The following RARB variants were observed in gnomAD, a reference collection of about 807,000 sequenced individuals.
RARB encodes retinoic acid receptor beta, also known as HBV-activated protein.
A neutral mutation model predicts 51.9 loss-of-function variants in RARB; 17 were observed. The observed-to-expected ratio is 0.33, with a 90% CI of 0.22 to 0.49. RARB has a LOEUF of 0.49. Ranked by LOEUF, RARB falls within the 20% of genes least tolerant of loss-of-function variation. The pLI, the probability that RARB is intolerant of heterozygous loss-of-function variation, is 0.99. For missense variants in RARB, 369 were observed against 550.8 expected (o/e 0.67, Z 3.30); for synonymous variants, 215 against 195.4 (o/e 1.10, Z -0.84).
chr3:24,998,277 G>GTTTTTT (rs71622792), intron 2 of RARB, among the ~76,000 whole-genome samples: 2 of 140,482 alleles, frequency 1.4e-5, no homozygotes, highest in Non-Finnish European at 3.1e-5. Flanking sequence ...CTTGTAGTTT[G>GTTTTTT]TTTTTTTTTT....
chr3:24,894,442 A>C (rs538391927), intron 2 of RARB, among the ~76,000 whole-genome samples: 4 of 152,154 alleles, frequency 2.6e-5, no homozygotes, highest in African/African-American at 9.6e-5. Context: ...AAAGGACATG[A>C]TTTTATTCTT....
chr3:25,024,552 C>T (rs550539571), intron 2 of RARB, among the ~76,000 whole-genome samples: 1 of 152,242 alleles, frequency 6.6e-6, no homozygotes, highest in East Asian at 1.9e-4. Context: ...GGATAAGTTT[C>T]TTTCCAATAA....
At chr3:25,554,149 T>C (rs1279156510) in intron 3 of RARB, among the ~76,000 whole-genome samples, 3 of 150,270 alleles carry the variant, frequency 2.0e-5, no homozygotes, top group Non-Finnish European at 4.4e-5. Context: ...CGAGAGAAAG[T>C]ATCTGTGCGT....
At chr3:25,157,872 G>T (rs1026214511) in intron 4 of RARB, among the ~76,000 whole-genome samples, 3 of 151,984 alleles carry the variant, frequency 2.0e-5, no homozygotes, top group Non-Finnish European at 2.9e-5. Context: ...TTATTTGCAC[G>T]GTGTGAATTC....
chr3:25,465,137 G>T (rs1695369306), intron 2 of RARB, among the ~76,000 whole-genome samples: 1 of 152,152 alleles, frequency 6.6e-6, no homozygotes, highest in South Asian at 2.1e-4. Context: ...CAGATTGCCA[G>T]AATACCCCGT....
At chr3:24,843,503 C>T (rs998931618) in intron 1 of RARB, among the ~76,000 whole-genome samples, 4 of 152,162 alleles carry the variant, frequency 2.6e-5, no homozygotes, top group African/African-American at 9.7e-5. Flanking sequence ...GTACCTGGCA[C>T]ATTCTGGGTC....
chr3:25,137,110 C>T (rs1198704478), intron 4 of RARB, among the ~76,000 whole-genome samples: 1 of 151,972 alleles, frequency 6.6e-6, no homozygotes, highest in African/African-American at 2.4e-5. Context: ...CTATTTAATG[C>T]CGACTACTAG....
chr3:25,507,583 C>G (rs1697673557), intron 3 of RARB, among the ~76,000 whole-genome samples: 1 of 152,124 alleles, frequency 6.6e-6, no homozygotes, highest in Non-Finnish European at 1.5e-5. Flanking sequence ...AGGGCTTTTG[C>G]CAGTGAAAAA....
At chr3:25,123,936 A>G (rs1417249036) in intron 3 of RARB, among the ~76,000 whole-genome samples, 1 of 152,204 alleles carries the variant, frequency 6.6e-6, no homozygotes, top group African/African-American at 2.4e-5. Flanking sequence ...TGGCCAAAGT[A>G]TCTCAGTCCT....
intron 2 of RARB, among the ~76,000 whole-genome samples, chr3:25,485,050 A>G (rs936706917): frequency 2.0e-5 from 3 of 152,360 alleles, no homozygotes; most frequent in East Asian, 1.9e-4. Flanking sequence ...GATACACTCA[A>G]AACACTCTCT....
chr3:24,948,135 T>G (rs1575085951), intron 2 of RARB, among the ~76,000 whole-genome samples: 1 of 152,154 alleles, frequency 6.6e-6, no homozygotes, highest in East Asian at 1.9e-4. Flanking sequence ...CTCAGATTAC[T>G]TCAGACCATT....
intron 3 of RARB, among the ~76,000 whole-genome samples, chr3:25,115,777 C>T (rs534074766): frequency 1.0e-3 from 156 of 151,850 alleles, no homozygotes; most frequent in African/African-American, 3.5e-3. Flanking sequence ...CAGCACATGC[C>T]ATCACACTCA....
At chr3:25,272,983 TG>T (rs1288546541) in intron 5 of RARB, among the ~76,000 whole-genome samples, 1 of 152,168 alleles carries the variant, frequency 6.6e-6, no homozygotes, top group East Asian at 1.9e-4. Flanking sequence ...TGTCAAACTG[TG>T]GAGGGAAATC....
chr3:24,991,489 T>C (rs1035485658), intron 2 of RARB, among the ~76,000 whole-genome samples: 2 of 151,918 alleles, frequency 1.3e-5, no homozygotes, highest in Non-Finnish European at 2.9e-5. Context: ...ATTAGCATTT[T>C]GGTCCTTCCT....
chr3:25,482,557 T>TTTG (rs1457343089), intron 2 of RARB, among the ~76,000 whole-genome samples: 17 of 84,064 alleles, frequency 2.0e-4, no homozygotes, highest in African/African-American at 6.1e-4. Context: ...TTTTTTTTTT[T>TTTG]GAGACGGAGT....
At chr3:25,025,247 T>G (rs988111081) in intron 2 of RARB, 2 of 152,222 alleles carry the variant, frequency 1.3e-5, no homozygotes, top group African/African-American at 4.8e-5. Flanking sequence ...TAATTGTAAT[T>G]TAATGTCATT....
chr3:25,371,926 G>A (rs1241007626), intron 5 of RARB, among the ~76,000 whole-genome samples: 2 of 152,202 alleles, frequency 1.3e-5, no homozygotes, highest in East Asian at 3.9e-4. Context: ...GCCCCACTGA[G>A]GAGATGGATT....
At chr3:25,026,198 C>T (rs2125287568) in intron 2 of RARB, among the ~76,000 whole-genome samples, 1 of 152,268 alleles carries the variant, frequency 6.6e-6, no homozygotes, top group East Asian at 1.9e-4. Context: ...CCTAGAAGTC[C>T]AGGGCTTCGA....
intron 5 of RARB, among the ~76,000 whole-genome samples, chr3:25,322,591 A>C (rs1434810907): frequency 6.6e-6 from 1 of 152,226 alleles, no homozygotes; most frequent in African/African-American, 2.4e-5. Context: ...AAAATTTTTT[A>C]CTATGACTTT....
Sources: allele counts gnomAD v4.1 joint callset (sites outside exome capture counted in the v4.1 genomes callset), GRCh38; gene constraint gnomAD v4.1.1; transcripts MANE v1.5; gene names NCBI Gene and HGNC (gene_info 2026-07-23, HGNC 2026-07-21).